TRPC7: variants seen among roughly 807,000 people sequenced by gnomAD.
TRPC7 encodes the protein transient receptor potential cation channel subfamily C member 7.
A neutral mutation model predicts 90.1 loss-of-function variants in TRPC7; 42 were observed. The observed-to-expected ratio is 0.47, with a 90% CI of 0.36 to 0.60. The LOEUF is 0.60. Among genes scored for constraint, TRPC7 ranks in the 20% least tolerant of loss-of-function variants. TRPC7 has a pLI of 0.00. For missense variants in TRPC7, 955 were observed against 1,112.3 expected (o/e 0.86, Z 2.01); for synonymous variants, 451 against 436.3 (o/e 1.03, Z -0.42).
intron 3 of TRPC7, among the ~76,000 whole-genome samples, chr5:136,312,223 C>A (rs145771449): frequency 1.3e-5 from 2 of 152,230 alleles, no homozygotes; most frequent in South Asian, 4.2e-4. Context: ...GCAGAAGTCA[C>A]GGGGGTAAAA....
chr5:136,344,152 T>C (rs1210255710), intron 2 of TRPC7, among the ~76,000 whole-genome samples: 1 of 152,216 alleles, frequency 6.6e-6, no homozygotes, highest in Non-Finnish European at 1.5e-5. Flanking sequence ...GCCATTATCC[T>C]AAGCAAACTA....
intron 6 of TRPC7, among the ~76,000 whole-genome samples, chr5:136,248,671 TC>T (rs1192548265): frequency 1.3e-5 from 2 of 152,162 alleles, no homozygotes; most frequent in East Asian, 3.9e-4. Context: ...CTAGGACTGA[TC>T]CTGAGCTGGG....
At chr5:136,350,968 T>A (rs1334450396) in intron 2 of TRPC7, among the ~76,000 whole-genome samples, 1 of 152,214 alleles carries the variant, frequency 6.6e-6, no homozygotes, top group South Asian at 2.1e-4. Context: ...AATCTGAGGG[T>A]GCTCAAGTCC....
intron 2 of TRPC7, among the ~76,000 whole-genome samples, chr5:136,326,221 C>T (rs1217845469): frequency 6.6e-6 from 1 of 152,196 alleles, no homozygotes; most frequent in Non-Finnish European, 1.5e-5. Context: ...GTATTTCTTT[C>T]CTCTGCTACT....
At chr5:136,262,850 G>A (rs542039917) in intron 5 of TRPC7, among the ~76,000 whole-genome samples, 73 of 152,258 alleles carry the variant, frequency 4.8e-4, no homozygotes, top group African/African-American at 1.7e-3. Flanking sequence ...TGTAGTGCAC[G>A]GAGAGGGATC....
At chr5:136,314,494 A>G (rs1387712294) in intron 3 of TRPC7, 1 of 152,188 alleles carries the variant, frequency 6.6e-6, no homozygotes, top group African/African-American at 2.4e-5. Flanking sequence ...CACCTTTCCC[A>G]TGAGTCATCA....
rs142027163 is a variant in TRPC7, at chr5:136,251,964, G to C, written c.1346-82C>G. 5.8e-4 allele frequency: 635 copies of C among 1,098,384 alleles called. 11 individuals carry two copies. The East Asian group carries it at 0.015, about 26-fold the overall frequency. 68.0% of individuals were successfully genotyped at this position (1,098,384 alleles called of 1,614,324 possible). ...GCATGAGGTCATGGAGGGAACCAGA[G>C]TACAAATGTAAATATCAGCTCTTTG... On this transcript the variant is annotated intron_variant, in intron 5 of 11. Coordinates refer to ENST00000513104, the MANE Select transcript of TRPC7 (RefSeq NM_020389.3).
intron 2 of TRPC7, among the ~76,000 whole-genome samples, chr5:136,345,636 C>A (rs1759983170): frequency 6.6e-6 from 1 of 152,074 alleles, no homozygotes. Flanking sequence ...AAATTTTCTC[C>A]CATTCTGTAG....
At chr5:136,315,512 T>C (rs570014431) in intron 3 of TRPC7, 85 bp downstream of exon 3, 2 of 1,452,894 alleles carry the variant, frequency 1.4e-6, no homozygotes, top group Admixed American at 2.0e-5. Context: ...TGTGGGAACA[T>C]AAAATAGACA....
rs1231312410 is a variant in TRPC7, at chr5:136,365,496, C to CG, written c.-243dup. On this transcript the variant is annotated 5_prime_UTR_variant, in exon 1 of 12. An upstream open reading frame in the 5' UTR loses its in-frame stop. Transcript: ENST00000513104. ...ACCGTGTTACCGTCCTTTTCCTAATCGGGGGGAAATTTCCCAGAGAACATG... is the reference window on the plus strand; with the variant it reads ...ACCGTGTTACCGTCCTTTTCCTAATCGGGGGGGAAATTTCCCAGAGAACATG... The CG allele has an allele frequency of 1.2e-5, 7 of 562,916 alleles. No homozygotes were observed. Among genetic ancestry groups the CG allele is most frequent in the Non-Finnish European group, 2.2e-5 (7 of 316,370 alleles). The allele number at this position is 562,916 out of a possible 1,614,324, so 34.9% of individuals were successfully genotyped here. A position where few individuals can be genotyped will look rare whatever the true frequency, so the allele number is the denominator to read the frequency against.
intron 2 of TRPC7, among the ~76,000 whole-genome samples, chr5:136,335,151 A>C (rs1002422703): frequency 2.0e-5 from 3 of 152,098 alleles, no homozygotes; most frequent in Admixed American, 1.3e-4. Flanking sequence ...GATTCCATTG[A>C]TCTCCACACC....
At chr5:136,352,268 C>T (rs1006308416) in intron 2 of TRPC7, among the ~76,000 whole-genome samples, 11 of 152,196 alleles carry the variant, frequency 7.2e-5, no homozygotes, top group African/African-American at 2.7e-4. Flanking sequence ...CCTTGTCATC[C>T]TTTCTTTCCA....
intron 2 of TRPC7, among the ~76,000 whole-genome samples, chr5:136,336,732 A>T (rs932455413): frequency 6.6e-6 from 1 of 151,986 alleles, no homozygotes; most frequent in Non-Finnish European, 1.5e-5. Context: ...TCGTTGTTCA[A>T]TTCCCACCTA....
intron 1 of TRPC7, among the ~76,000 whole-genome samples, chr5:136,363,416 A>G (rs959769078): frequency 6.6e-6 from 1 of 152,154 alleles, no homozygotes; most frequent in Admixed American, 6.6e-5. Flanking sequence ...GGTTTAAGGC[A>G]TTTAAGTTCC....
intron 10 of TRPC7, among the ~76,000 whole-genome samples, chr5:136,217,438 G>C (rs1029834039): frequency 3.9e-5 from 6 of 152,192 alleles, no homozygotes; most frequent in Non-Finnish European, 5.9e-5. Flanking sequence ...CCTGGCCTGT[G>C]ATTCTAAGAC....
At chr5:136,236,748 G>A (rs573999448) in intron 7 of TRPC7, among the ~76,000 whole-genome samples, 68 of 152,258 alleles carry the variant, frequency 4.5e-4, no homozygotes, top group African/African-American at 1.4e-3. Flanking sequence ...GCCTCAGAGA[G>A]CAAACTGATC....
chr5:136,288,362 A>T (rs1388364402), intron 3 of TRPC7, among the ~76,000 whole-genome samples: 6 of 152,184 alleles, frequency 3.9e-5, no homozygotes, highest in Non-Finnish European at 5.9e-5. Flanking sequence ...TAATACTATA[A>T]TAAAATATTA....
At chr5:136,214,266 A>G (rs1755186881) in intron 11 of TRPC7, 1 of 152,506 alleles carries the variant, frequency 6.6e-6, no homozygotes, top group South Asian at 2.1e-4. Context: ...ATTTCCACAG[A>G]GAACCTTGTG....
chr5:136,255,058 G>T (rs1482387805), intron 5 of TRPC7, among the ~76,000 whole-genome samples: 1 of 152,164 alleles, frequency 6.6e-6, no homozygotes, highest in African/African-American at 2.4e-5. Context: ...AATGGATGAG[G>T]AATTGTTTCT....
Sources: gnomAD v4.1 joint callset for allele counts (sites outside exome capture counted in the v4.1 genomes callset) on GRCh38, gnomAD v4.1.1 for gene constraint, MANE v1.5 for transcripts, NCBI Gene and HGNC (gene_info 2026-07-23, HGNC 2026-07-21) for gene names.